The following SETD9 variants were observed in gnomAD, a reference collection of about 807,000 sequenced individuals.
SETD9 encodes the protein SET domain-containing protein 9.
Under a neutral mutation model 36.4 loss-of-function variants are expected in SETD9, and 37 were observed. That is an observed-to-expected ratio of 1.02 (90% confidence interval 0.78 to 1.34). SETD9 has a LOEUF of 1.34. Ranked by LOEUF, SETD9 falls within the 40% of genes most tolerant of loss-of-function variation. SETD9 has a pLI of 0.00. For synonymous variants in SETD9, 128 were observed against 132.9 expected (o/e 0.96, Z 0.26); for missense variants, 323 against 353.2 (o/e 0.91, Z 0.69).
chr5:56,910,064 G>A, intron 1 of SETD9: 1 of 1,281,328 alleles, frequency 7.8e-7, no homozygotes, highest in Middle Eastern at 3.1e-4. Flanking sequence ...GGGCCCGCGA[G>A]GCCGAGCTCG....
At position 56,923,828 on chromosome 5, in the gene SETD9, T is replaced by C; in HGVS notation, c.813-1505T>C. 1.2e-6 allele frequency: 2 copies of C among 1,614,188 alleles called. No individual in the cohort carries two copies. Among genetic ancestry groups the C allele is most frequent in the Non-Finnish European group, 1.7e-6 (2 of 1,180,014 alleles). On this transcript the variant is annotated intron_variant, in intron 5 of 5. Coordinates refer to the SETD9 transcript ENST00000628593. ...TGTTTCATCTACTAAACGATCCATA[T>C]AGTCCCTGAAAAACACACCCCAGTA...
intron 5 of SETD9, chr5:56,923,191 G>A (rs761003419): frequency 9.9e-6 from 16 of 1,614,086 alleles, no homozygotes; most frequent in Admixed American, 3.3e-5. Context: ...CATTGGTCTC[G>A]TTGGCAGAGA....
chr5:56,913,887 A>T lies in SETD9; in HGVS notation c.604A>T (p.Arg202Trp). ...CACTTGTTTCAGATCTTGCAATGGG[A>T]GGGATCGACTCGGCCCTTTAAAAAT... ...SKVVYRSCNG[R>W]DRLGPLKMSD... The change falls in exon 4 of 6, where the codon AGG (arginine) becomes TGG (tryptophan). Residue 202 changes from arginine to tryptophan, a missense_variant. Physicochemically the swap from Arg to Trp is moderately radical, Grantham distance 101. Coordinates refer to ENST00000285947, the MANE Select transcript of SETD9 (RefSeq NM_153706.4). 6.2e-7 allele frequency: 1 copy of T among 1,610,122 alleles called. No individual in the cohort carries two copies. Among genetic ancestry groups the T allele is most frequent in the South Asian group, 1.1e-5 (1 of 90,968 alleles).
downstream of SETD9, chr5:56,927,827 A>G (rs1177783842): frequency 6.6e-6 from 1 of 152,232 alleles, no homozygotes; most frequent in Non-Finnish European, 1.5e-5. Flanking sequence ...ATCATCATAC[A>G]GGGTAGTTTC....
Position 56,917,076 on chromosome 5 carries a change from C to A in SETD9, c.*174C>A, listed in dbSNP as rs970407093. 1 of 1,292,770 alleles carries A rather than the reference C, an allele frequency of 7.7e-7. No individual in the cohort carries two copies. Among genetic ancestry groups the A allele is most frequent in the Non-Finnish European group, 9.8e-7 (1 of 1,024,794 alleles). The allele number at this position is 1,292,770 out of a possible 1,614,324, so 80.1% of individuals were successfully genotyped here. A position where few individuals can be genotyped will look rare whatever the true frequency, so the allele number is the denominator to read the frequency against. On this transcript the variant is annotated 3_prime_UTR_variant, in exon 6 of 6. Transcript: ENST00000285947. Reference sequence around the variant, plus strand: ...TTATGTTCCAATTTCATGATAAAAGCTACTTGCTTCATTACAATTTCAAAT... The same window carrying A: ...TTATGTTCCAATTTCATGATAAAAGATACTTGCTTCATTACAATTTCAAAT...
At chr5:56,909,476 G>A (rs906130749), upstream of SETD9, 14 of 531,514 alleles carry the variant, frequency 2.6e-5, no homozygotes, top group Non-Finnish European at 4.3e-5. Context: ...GTCAGGAAAG[G>A]GGAAGGACGA....
chr5:56,923,423 A>T, intron 5 of SETD9: 1 of 1,614,180 alleles, frequency 6.2e-7, no homozygotes. Flanking sequence ...AAATAAATTA[A>T]AACAATCACT....
intron 5 of SETD9, among the ~76,000 whole-genome samples, chr5:56,916,579 CAGA>C (rs1211998288): frequency 6.6e-6 from 1 of 152,194 alleles, no homozygotes; most frequent in African/African-American, 2.4e-5. Flanking sequence ...ACAATGTTTT[CAGA>C]AGAAGTAGTC....
chr5:56,913,187 C>T, intron 3 of SETD9, 53 bp downstream of exon 3: 9 of 1,579,856 alleles, frequency 5.7e-6, no homozygotes, highest in Non-Finnish European at 7.8e-6. Flanking sequence ...CCGCACTTAC[C>T]ACAATGATTA....
At chr5:56,917,374 G>C, downstream of SETD9, 1 of 943,054 alleles carries the variant, frequency 1.1e-6, no homozygotes, top group Non-Finnish European at 1.3e-6. Flanking sequence ...ATAATGTAAA[G>C]ATTGCTCTAG....
downstream of SETD9, chr5:56,919,608 T>A (rs574662521): frequency 2.0e-5 from 3 of 152,752 alleles, no homozygotes; most frequent in South Asian, 6.2e-4. Context: ...GAAAAAAAGA[T>A]TCCCAGATTT....
At chr5:56,915,029 GA>G in intron 5 of SETD9, 63 bp downstream of exon 5, 1 of 1,199,136 alleles carries the variant, frequency 8.3e-7, no homozygotes, top group South Asian at 2.0e-5. Flanking sequence ...AAATATAGAA[GA>G]AAAAGCTATG....
At chr5:56,910,367 A>C in intron 1 of SETD9, 1 of 1,304,244 alleles carries the variant, frequency 7.7e-7, no homozygotes, top group Non-Finnish European at 1.0e-6. Flanking sequence ...ACTCAAAAGC[A>C]CGTCGGGATG....
chr5:56,909,543 G>T (rs1284559961), upstream of SETD9: 1 of 812,406 alleles, frequency 1.2e-6, no homozygotes, highest in African/African-American at 1.9e-5. Context: ...GGAGCCAGGG[G>T]AAGGCGGCCG....
chr5:56,918,040 A>G (rs1363973022), downstream of SETD9, among the ~76,000 whole-genome samples: 4 of 152,102 alleles, frequency 2.6e-5, no homozygotes, highest in Non-Finnish European at 5.9e-5. Flanking sequence ...TCCCCCTTAC[A>G]GAACATATCA....
At position 56,925,334 on chromosome 5, in the gene SETD9, T is replaced by TA; in HGVS notation, c.814_815insA (p.Ter272=). ...AAATAAAACTGTCTCTGTTTACAGG[T>TA]GACATGACTGTCTACGTAGAAAACT... The change falls in exon 6 of 6, where the codon TGA becomes TAGA. Residue 272 remains the stop codon, a frameshift_variant and splice_region_variant and stop_retained_variant. Coordinates refer to the SETD9 transcript ENST00000628593. LOFTEE classifies it high-confidence loss of function. 2.2e-6 allele frequency: 1 copy of TA among 454,888 alleles called. No individual in the cohort carries two copies. Among genetic ancestry groups the TA allele is most frequent in the South Asian group, 1.6e-5 (1 of 64,044 alleles). The allele number at this position is 454,888 out of a possible 1,614,324, so 28.2% of individuals were successfully genotyped here. A position where few individuals can be genotyped will look rare whatever the true frequency, so the allele number is the denominator to read the frequency against.
At chr5:56,925,568 A>G (rs961169010), downstream of SETD9, 1 of 212,178 alleles carries the variant, frequency 4.7e-6, no homozygotes, top group African/African-American at 2.4e-5. Flanking sequence ...CAAAATCTGT[A>G]TGAGAAAAAC....
At position 56,923,698 on chromosome 5, in the gene SETD9, G is replaced by A. The variant is rs780218336; in HGVS notation, c.813-1635G>A. The A allele has an allele frequency of 2.8e-5, 46 of 1,614,208 alleles. No homozygotes were observed. The Admixed American group carries it at 7.7e-4, about 27-fold the overall frequency. On this transcript the variant is annotated intron_variant, in intron 5 of 5. Coordinates refer to the SETD9 transcript ENST00000628593. The stretch of plus-strand genomic sequence containing the variant: ...GAAAGGTCTTCATTTTACCTGTCAA[G>A]TCACTGGCAGTGAAGGAGTTGAGAA...
downstream of SETD9, chr5:56,921,024 TAATC>T (rs1346827840): frequency 6.6e-6 from 1 of 152,560 alleles, no homozygotes; most frequent in African/African-American, 2.4e-5. Flanking sequence ...AACTTGCTGA[TAATC>T]AAAACTTTAG....
Sources: allele counts gnomAD v4.1 joint callset (sites outside exome capture counted in the v4.1 genomes callset), GRCh38; gene constraint gnomAD v4.1.1; transcripts MANE v1.5; gene names NCBI Gene and HGNC (gene_info 2026-07-23, HGNC 2026-07-21).